STARD13: variants seen among roughly 807,000 people sequenced by gnomAD.
The protein encoded by STARD13 is StAR related lipid transfer domain containing 13.
A neutral mutation model predicts 106.4 loss-of-function variants in STARD13; 62 were observed. The observed-to-expected ratio is 0.58, with a 90% CI of 0.48 to 0.72. The LOEUF is 0.72. Among genes scored for constraint, STARD13 ranks in the 30% least tolerant of loss-of-function variants. The probability of loss-of-function intolerance (pLI) is 0.00; values close to 1 mark genes in which losing one functional copy is unlikely to be tolerated. For missense variants in STARD13, 1,387 were observed against 1,424.0 expected (o/e 0.97, Z 0.42); for synonymous variants, 565 against 553.0 (o/e 1.02, Z -0.31).
chr13:33,254,066 G>A (rs1322646390), intron 1 of STARD13, among the ~76,000 whole-genome samples: 2 of 152,186 alleles, frequency 1.3e-5, no homozygotes, highest in African/African-American at 4.8e-5. Context: ...TTTGCCTGGA[G>A]TGATCCTCAT....
At chr13:33,190,567 C>T (rs1434176242) in intron 1 of STARD13, among the ~76,000 whole-genome samples, 3 of 150,426 alleles carry the variant, frequency 2.0e-5, no homozygotes, top group East Asian at 3.9e-4. Flanking sequence ...GCACCCATTT[C>T]GTTTTCTTTT....
intron 1 of STARD13, among the ~76,000 whole-genome samples, chr13:33,301,728 T>C (rs1299313408): frequency 6.6e-6 from 1 of 151,996 alleles, no homozygotes; most frequent in African/African-American, 2.4e-5. Context: ...CCACCATGCC[T>C]GGCTAATATT....
At chr13:33,524,236 A>G in the STARD13 span, 7 of 1,275,382 alleles carry the variant, frequency 5.5e-6, no homozygotes, top group Non-Finnish European at 7.1e-6. Flanking sequence ...ACTAAAACTT[A>G]CTTTAGTTTT....
At chr13:33,567,325 C>A in the STARD13 span, among the ~76,000 whole-genome samples, 1 of 148,030 alleles carries the variant, frequency 6.8e-6, no homozygotes. Context: ...ACAACAGTGG[C>A]CCAGGGAAAA....
At chr13:33,525,903 C>T in the STARD13 span, among the ~76,000 whole-genome samples, 6 of 152,138 alleles carry the variant, frequency 3.9e-5, no homozygotes, top group Admixed American at 6.6e-5. Flanking sequence ...AATCTTAATT[C>T]GCCTGTAAAA....
the STARD13 span, among the ~76,000 whole-genome samples, chr13:33,440,707 T>C: frequency 1.3e-5 from 2 of 150,818 alleles, no homozygotes; most frequent in Non-Finnish European, 1.5e-5. Flanking sequence ...CATATTCTGA[T>C]AACCTTCAGG....
At chr13:33,655,630 A>T in the STARD13 span, among the ~76,000 whole-genome samples, 2 of 152,256 alleles carry the variant, frequency 1.3e-5, no homozygotes, top group East Asian at 1.9e-4. Context: ...TTTGTTCCTT[A>T]GTACTAGATG....
chr13:33,185,338 A>G (rs144165836), intron 1 of STARD13, among the ~76,000 whole-genome samples: 1 of 152,374 alleles, frequency 6.6e-6, no homozygotes, highest in African/African-American at 2.4e-5. Context: ...ATATGTTTCC[A>G]TAAAATAGCA....
chr13:33,219,091 C>T (rs1308513960), intron 1 of STARD13, among the ~76,000 whole-genome samples: 3 of 151,946 alleles, frequency 2.0e-5, no homozygotes. Context: ...TTACAGGGTA[C>T]TATGTAAGAT....
At chr13:33,472,623 T>A in the STARD13 span, among the ~76,000 whole-genome samples, 1 of 152,154 alleles carries the variant, frequency 6.6e-6, no homozygotes, top group South Asian at 2.1e-4. Flanking sequence ...GCATTAAGAA[T>A]CACTGACATA....
chr13:33,337,345 A>G (rs550199353), intron 1 of STARD13, among the ~76,000 whole-genome samples: 35 of 100,272 alleles, frequency 3.5e-4, no homozygotes, highest in African/African-American at 9.4e-4. Context: ...TAATTAAGAC[A>G]CAGCTTAATT....
chr13:33,142,352 C>G lies in STARD13; in HGVS notation c.345G>C (p.Lys115Asn). Residue 115 changes from lysine (K) to asparagine (N), a missense_variant, in exon 4 of 14, where the codon AAG (lysine) becomes AAC (asparagine). Physicochemically the swap from Lys to Asn is moderately conservative, Grantham distance 94. Transcript: ENST00000336934. ...PLCRRLNTLN[K>N]CASMKLDVNF... is the part of the protein sequence containing the mutation. Reference sequence around the variant, plus strand: ...TCACATCAAGTTTCATTGAGGCACACTTGTTCAACGTATTTAGTCGTCTAA... The same window carrying G: ...TCACATCAAGTTTCATTGAGGCACAGTTGTTCAACGTATTTAGTCGTCTAA... The G allele has an allele frequency of 6.2e-7, 1 of 1,614,072 alleles. No homozygotes were observed. Among genetic ancestry groups the G allele is most frequent in the Non-Finnish European group, 8.5e-7 (1 of 1,179,976 alleles).
At chr13:33,351,566 G>A (rs181418192), upstream of STARD13, among the ~76,000 whole-genome samples, 4 of 152,280 alleles carry the variant, frequency 2.6e-5, no homozygotes, top group Admixed American at 2.0e-4. Context: ...GTGCTTTGAG[G>A]TCTTCCAAGA....
chr13:33,261,664 C>T (rs1009777068), intron 1 of STARD13, among the ~76,000 whole-genome samples: 1 of 152,154 alleles, frequency 6.6e-6, no homozygotes, highest in Non-Finnish European at 1.5e-5. Context: ...CATTCAATAA[C>T]AGTGGCATTA....
chr13:33,191,990 G>C (rs942132231), intron 1 of STARD13, among the ~76,000 whole-genome samples: 8 of 152,208 alleles, frequency 5.3e-5, no homozygotes, highest in East Asian at 1.9e-4. Flanking sequence ...GGGCAATCTG[G>C]CCCTTGGTGC....
chr13:33,357,124 T>C, the STARD13 span, among the ~76,000 whole-genome samples: 1 of 152,244 alleles, frequency 6.6e-6, no homozygotes, highest in Non-Finnish European at 1.5e-5. Flanking sequence ...CATAAAAAGA[T>C]ATTTATTCAA....
chr13:33,509,105 C>A, the STARD13 span, among the ~76,000 whole-genome samples: 1 of 152,186 alleles, frequency 6.6e-6, no homozygotes. Context: ...TTATGCAATG[C>A]ATGACTTGAC....
the STARD13 span, among the ~76,000 whole-genome samples, chr13:33,407,379 A>G: frequency 6.6e-6 from 1 of 152,172 alleles, no homozygotes; most frequent in South Asian, 2.1e-4. Flanking sequence ...GTAGTCAGAG[A>G]GGTAAAGCGC....
At chr13:33,105,815 C>T (rs1053930199) in intron 13 of STARD13, 105 bp from the exon 14 acceptor site, 1 of 897,822 alleles carries the variant, frequency 1.1e-6, no homozygotes, top group Non-Finnish European at 1.9e-6. Flanking sequence ...ACCAGTGAAC[C>T]TGCAGACAGC....
Sources: gnomAD v4.1 joint callset for allele counts (sites outside exome capture counted in the v4.1 genomes callset) on GRCh38, gnomAD v4.1.1 for gene constraint, MANE v1.5 for transcripts, NCBI Gene and HGNC (gene_info 2026-07-23, HGNC 2026-07-21) for gene names.